JAK2: variants seen among roughly 807,000 people sequenced by gnomAD.
JAK2 encodes the protein Janus kinase 2.
A neutral mutation model predicts 139.3 loss-of-function variants in JAK2; 86 were observed. The observed-to-expected ratio is 0.62, with a 90% confidence interval of 0.52 to 0.74. The LOEUF (loss-of-function observed/expected upper bound fraction) is 0.74. Among genes scored for constraint, JAK2 ranks in the 30% least tolerant of loss-of-function variants. The pLI is 0.00. For missense variants in JAK2, 1,421 were observed against 1,360.3 expected (o/e 1.04, Z -0.70); for synonymous variants, 490 against 437.7 (o/e 1.12, Z -1.49).
chr9:5,014,158 CTCTT>C (rs1402175962), intron 2 of JAK2, among the ~76,000 whole-genome samples: 6 of 146,074 alleles, frequency 4.1e-5, no homozygotes, highest in Middle Eastern at 3.8e-3. Context: ...CTTTTATTTA[CTCTT>C]TCTTTTTTTT....
intron 19 of JAK2, among the ~76,000 whole-genome samples, chr9:5,084,155 T>C (rs762136535): frequency 1.4e-4 from 22 of 152,170 alleles, no homozygotes; most frequent in Admixed American, 6.5e-5. Flanking sequence ...GTTTTCAAAA[T>C]ACATGTACAA....
In JAK2 at chr9:5,123,096, T is replaced by C. The variant is rs375671491; in HGVS notation, c.3152T>C (p.Ile1051Thr). 7.6e-5 allele frequency: 122 copies of C among 1,606,594 alleles called. No homozygotes were observed. Among genetic ancestry groups the C allele is most frequent in the South Asian group, 4.3e-4 (39 of 89,744 alleles). ...GVVLYELFTY[I>T]EKSKSPPAEF... Reference sequence around the variant, plus strand: ...GTTCTGTATGAACTTTTCACATACATTGAGAAGAGTAAAAGTCCACCAGCG... The same window carrying C: ...GTTCTGTATGAACTTTTCACATACACTGAGAAGAGTAAAAGTCCACCAGCG... Residue 1051 changes from isoleucine (I) to threonine (T), a missense_variant, in exon 23 of 25, where the codon ATT becomes ACT. Coordinates refer to ENST00000381652, the MANE Select transcript of JAK2 (RefSeq NM_004972.4).
At chr9:5,017,236 C>T (rs1188810947) in intron 2 of JAK2, among the ~76,000 whole-genome samples, 2 of 152,020 alleles carry the variant, frequency 1.3e-5, no homozygotes, top group Non-Finnish European at 2.9e-5. Context: ...AACTTAAAAA[C>T]CCACAGAGCC....
chr9:4,993,743 C>T (rs1820397347), intron 2 of JAK2, among the ~76,000 whole-genome samples: 1 of 152,158 alleles, frequency 6.6e-6, no homozygotes, highest in African/African-American at 2.4e-5. Context: ...CTGTTCCTGG[C>T]TATATAGCAG....
intron 8 of JAK2, among the ~76,000 whole-genome samples, chr9:5,057,948 T>TGTC (rs1399430220): frequency 3.3e-5 from 5 of 151,896 alleles, no homozygotes; most frequent in African/African-American, 1.2e-4. Flanking sequence ...GAAACAATAC[T>TGTC]GTCTTTTTGT....
intron 4 of JAK2, chr9:5,041,128 C>A: frequency 1.1e-6 from 1 of 945,802 alleles, no homozygotes; most frequent in East Asian, 2.5e-5. Flanking sequence ...AGACGGTGCT[C>A]CTGATCGCCA....
At chr9:5,042,215 G>A (rs1372907604) in intron 4 of JAK2, among the ~76,000 whole-genome samples, 10 of 144,344 alleles carry the variant, frequency 6.9e-5, no homozygotes, top group Non-Finnish European at 1.3e-4. Context: ...TCGGCTCACT[G>A]CAAGCTCCGC....
intron 8 of JAK2, among the ~76,000 whole-genome samples, chr9:5,062,816 C>A (rs61284219): frequency 0.34 from 51,440 of 151,932 alleles, 9,262 homozygotes; most frequent in African/African-American, 0.47. Flanking sequence ...TAATTAGAAC[C>A]TGAGATTGAG....
At chr9:5,017,772 G>C (rs1822168396) in intron 2 of JAK2, among the ~76,000 whole-genome samples, 1 of 152,154 alleles carries the variant, frequency 6.6e-6, no homozygotes, top group South Asian at 2.1e-4. Context: ...AAATCTTGCA[G>C]TTTTATATCT....
chr9:5,041,327 A>G, intron 4 of JAK2: 5 of 730,806 alleles, frequency 6.8e-6, no homozygotes, highest in South Asian at 4.9e-5. Context: ...CAGCCAGCAC[A>G]AGAGCTTGAC....
At chr9:5,003,272 G>C (rs977111653) in intron 2 of JAK2, among the ~76,000 whole-genome samples, 2 of 151,950 alleles carry the variant, frequency 1.3e-5, no homozygotes, top group African/African-American at 4.8e-5. Context: ...ATTTTAATTG[G>C]AAGTGGGTTG....
chr9:5,086,028 C>G (rs1474546561), intron 19 of JAK2: 11 of 785,246 alleles, frequency 1.4e-5, no homozygotes, highest in Non-Finnish European at 2.3e-5. Context: ...TACATTTGGA[C>G]AGGCAGGTGT....
intron 2 of JAK2, among the ~76,000 whole-genome samples, chr9:5,018,286 C>T (rs77214222): frequency 2.9e-3 from 434 of 152,142 alleles, no homozygotes; most frequent in African/African-American, 0.01. Flanking sequence ...TTGATACTTT[C>T]GTCATCTGTT....
At chr9:5,112,105 G>A in intron 22 of JAK2, 1 of 345,658 alleles carries the variant, frequency 2.9e-6, no homozygotes, top group South Asian at 2.3e-5. Context: ...CCTGAACGAG[G>A]GCATCCACGT....
At chr9:5,048,619 G>A (rs750592667) in intron 5 of JAK2, among the ~76,000 whole-genome samples, 4 of 152,090 alleles carry the variant, frequency 2.6e-5, no homozygotes, top group African/African-American at 7.2e-5. Flanking sequence ...TATTAGCAAC[G>A]TTTAGGCCTT....
chr9:5,110,163 C>T (rs571367254), intron 22 of JAK2: 2 of 152,332 alleles, frequency 1.3e-5, no homozygotes, highest in Admixed American at 6.5e-5. Flanking sequence ...TCCCTGACTT[C>T]CATCCGCCAT....
In JAK2 at chr9:5,090,500, A is replaced by ACTAT. The variant is rs1820492810; in HGVS notation, c.2819_2822dup (p.Gln942SerfsTer5). On this transcript the variant is annotated frameshift_variant, in exon 21 of 25. Coordinates refer to ENST00000381652, the MANE Select transcript of JAK2 (RefSeq NM_004972.4). LOFTEE classifies it high-confidence loss of function. ...TATTTACCATATGGAAGTTTACGAGACTATCTTCAAAAACATAAAGAACGG... is the reference window on the plus strand; with the variant it reads ...TATTTACCATATGGAAGTTTACGAGACTATCTATCTTCAAAAACATAAAGAACGG... 9 of 1,592,242 alleles carry ACTAT rather than the reference A, an allele frequency of 5.7e-6. No homozygotes were observed. Among genetic ancestry groups the ACTAT allele is most frequent in the African/African-American group, 1.3e-5 (1 of 74,364 alleles).
intron 2 of JAK2, among the ~76,000 whole-genome samples, chr9:5,007,698 T>C (rs1043265409): frequency 2.0e-5 from 3 of 151,658 alleles, no homozygotes; most frequent in African/African-American, 7.3e-5. Flanking sequence ...AGTCTAATAA[T>C]GAGAATTATT....
chr9:5,041,581 G>T (rs1816519624), intron 4 of JAK2: 2 of 505,266 alleles, frequency 4.0e-6, no homozygotes, highest in Non-Finnish European at 7.9e-6. Context: ...CACTACGTGC[G>T]GCGCCTGGAC....
Sources: allele counts gnomAD v4.1 joint callset (sites outside exome capture counted in the v4.1 genomes callset), GRCh38; gene constraint gnomAD v4.1.1; transcripts MANE v1.5; gene names NCBI Gene and HGNC (gene_info 2026-07-23, HGNC 2026-07-21).